The following TCF20 variants were observed in gnomAD, a reference collection of about 807,000 sequenced individuals.
The protein encoded by TCF20 is transcription factor 20.
Under a neutral mutation model 148.6 loss-of-function variants are expected in TCF20, and 3 were observed. That is an observed-to-expected ratio of 0.02 (90% CI 0.01 to 0.05). The LOEUF (loss-of-function observed/expected upper bound fraction) is 0.05. Among genes scored for constraint, TCF20 ranks in the 10% least tolerant of loss-of-function variants. The pLI is 1.00. For missense variants in TCF20, 2,350 were observed against 2,429.3 expected, an observed-to-expected ratio of 0.97 and a Z score of 0.69; for synonymous variants, 1,049 against 909.5, an observed-to-expected ratio of 1.15 and a Z score of -2.76.
chr22:42,248,372 ATCTC>A (rs1480673974), intron 1 of TCF20, among the ~76,000 whole-genome samples: 2 of 152,196 alleles, frequency 1.3e-5, no homozygotes, highest in Non-Finnish European at 2.9e-5. Flanking sequence ...AAATGAATGA[ATCTC>A]TCTTCAGTCT....
At chr22:42,262,130 A>G (rs1926059596) in intron 1 of TCF20, among the ~76,000 whole-genome samples, 1 of 152,188 alleles carries the variant, frequency 6.6e-6, no homozygotes. Context: ...GCCCTTGTGA[A>G]CCATGTGGGG....
At chr22:42,202,222 T>C (rs1379236266) in intron 2 of TCF20, among the ~76,000 whole-genome samples, 3 of 152,226 alleles carry the variant, frequency 2.0e-5, no homozygotes, top group African/African-American at 7.2e-5. Context: ...AACACATCTT[T>C]ACTAAGACAA....
rs950576690 is a variant in TCF20 at position 42,270,409 on chromosome 22, G to A, written c.-107C>T. ...GCGGGGAGGGAGCGGTGGCGACGGC[G>A]GGCGGCGCTGCGCGGGGTGGGGGTG... On this transcript the variant is annotated 5_prime_UTR_variant, in exon 1 of 6. Transcript: ENST00000677622. 2.0e-5 allele frequency among the ~76,000 whole-genome samples: 3 copies of A among 148,972 alleles called. No homozygotes were observed. The highest frequency in any genetic ancestry group is 7.3e-5 in the African/African-American group (3 of 40,916).
rs754401912 is a variant in TCF20, at chr22:42,214,512, T to G, written c.794A>C (p.Asn265Thr). ...QSGQSYDGSY[N>T]VNAGSQYEGH... is the part of the protein sequence containing the mutation. ...TTCATACTGAGATCCAGCATTCACA[T>G]TGTAACTGCCATCATAGCTCTGTCC... The change falls in exon 2 of 6, where the codon AAT (asparagine) becomes ACT (threonine). Residue 265 changes from asparagine to threonine, a missense_variant. This residue lies in a region of TCF20 where 1,641 missense variants were observed against 1,662.6 expected (regional missense o/e 0.99). Coordinates refer to ENST00000677622, the MANE Select transcript of TCF20 (RefSeq NM_001378418.1). 2 of 1,614,140 alleles carry G rather than the reference T, an allele frequency of 1.2e-6. No individual in the cohort carries two copies. The highest frequency in any genetic ancestry group is 1.7e-6 in the Non-Finnish European group (2 of 1,180,028).
At chr22:42,227,093 G>A (rs1048187489) in intron 1 of TCF20, among the ~76,000 whole-genome samples, 1 of 152,142 alleles carries the variant, frequency 6.6e-6, no homozygotes, top group Non-Finnish European at 1.5e-5. Context: ...GACCAGCCTG[G>A]CCATTACAGT....
At chr22:42,198,566 T>C (rs1937744215) in intron 2 of TCF20, among the ~76,000 whole-genome samples, 1 of 152,198 alleles carries the variant, frequency 6.6e-6, no homozygotes, top group South Asian at 2.1e-4. Flanking sequence ...TAATATGATG[T>C]AGCTAATGCT....
At chr22:42,217,604 C>T (rs1466163191) in intron 1 of TCF20, among the ~76,000 whole-genome samples, 1 of 152,216 alleles carries the variant, frequency 6.6e-6, no homozygotes, top group Admixed American at 6.5e-5. Context: ...GGTGTAAGAA[C>T]TAGGCCTTAG....
intron 1 of TCF20, among the ~76,000 whole-genome samples, chr22:42,328,718 T>C (rs1927917403): frequency 6.6e-6 from 1 of 152,184 alleles, no homozygotes; most frequent in African/African-American, 2.4e-5. Flanking sequence ...TTAATCTAGG[T>C]GCTGGCACAC....
At chr22:42,250,061 C>T (rs1925236685) in intron 1 of TCF20, among the ~76,000 whole-genome samples, 1 of 152,050 alleles carries the variant, frequency 6.6e-6, no homozygotes, top group Non-Finnish European at 1.5e-5. Context: ...GAGTTTGAGG[C>T]TGAAGTGCAC....
intron 2 of TCF20, among the ~76,000 whole-genome samples, chr22:42,182,678 G>A (rs1384454328): frequency 6.6e-6 from 1 of 152,196 alleles, no homozygotes; most frequent in African/African-American, 2.4e-5. Flanking sequence ...TTTTTGAAGT[G>A]TGGTCCCCTG....
At chr22:42,228,340 T>C (rs1195140992) in intron 1 of TCF20, among the ~76,000 whole-genome samples, 2 of 152,174 alleles carry the variant, frequency 1.3e-5, no homozygotes, top group African/African-American at 4.8e-5. Flanking sequence ...ACAACAATGA[T>C]AAACAGCAGC....
intron 1 of TCF20, among the ~76,000 whole-genome samples, chr22:42,243,394 G>C (rs5758672): frequency 1.3e-5 from 2 of 148,746 alleles, no homozygotes; most frequent in Non-Finnish European, 3.0e-5. Context: ...CTTGACGTCA[G>C]AAATTTGAGA....
chr22:42,191,599 C>T (rs1372150337), intron 2 of TCF20, among the ~76,000 whole-genome samples: 2 of 152,164 alleles, frequency 1.3e-5, no homozygotes, highest in Non-Finnish European at 2.9e-5. Flanking sequence ...TGCATTTTAT[C>T]TTATCTACAG....
chr22:42,342,030 G>A (rs1928177237), intron 1 of TCF20, among the ~76,000 whole-genome samples: 1 of 152,138 alleles, frequency 6.6e-6, no homozygotes, highest in African/African-American at 2.4e-5. Flanking sequence ...CCAGTGCTTA[G>A]GGGGTCTAAG....
At chr22:42,252,106 CCTGT>C (rs960861337) in intron 1 of TCF20, among the ~76,000 whole-genome samples, 88 of 144,492 alleles carry the variant, frequency 6.1e-4, no homozygotes, top group African/African-American at 2.1e-3. Context: ...TCTGTCTCTA[CCTGT>C]ATTTTTTTTT....
chr22:42,163,562 ACCC>A, intron 5 of TCF20, among the ~76,000 whole-genome samples: 1 of 152,298 alleles, frequency 6.6e-6, no homozygotes, highest in East Asian at 1.9e-4. Flanking sequence ...GATCTGCCTG[ACCC>A]CCATCTTCAA....
intron 2 of TCF20, among the ~76,000 whole-genome samples, chr22:42,209,373 T>C (rs1437299169): frequency 6.6e-6 from 1 of 152,186 alleles, no homozygotes; most frequent in African/African-American, 2.4e-5. Context: ...AAAGAATAAA[T>C]ATCCTAACTG....
chr22:42,328,353 C>T (rs1927910867), intron 1 of TCF20, among the ~76,000 whole-genome samples: 1 of 152,186 alleles, frequency 6.6e-6, no homozygotes, highest in African/African-American at 2.4e-5. Flanking sequence ...GGATGGGCGC[C>T]CTCAGGGTCC....
chr22:42,200,532 T>C (rs1794180480), intron 2 of TCF20, among the ~76,000 whole-genome samples: 1 of 151,212 alleles, frequency 6.6e-6, no homozygotes, highest in Admixed American at 6.7e-5. Flanking sequence ...TCCCAGCTAC[T>C]TGGGAGGCTG....
Sources: allele counts gnomAD v4.1 joint callset (sites outside exome capture counted in the v4.1 genomes callset), GRCh38; gene constraint gnomAD v4.1.1; regional missense constraint gnomAD v4.1.1; transcripts MANE v1.5; gene names NCBI Gene and HGNC (gene_info 2026-07-23, HGNC 2026-07-21).